The following LEMD1 variants were observed in gnomAD, a reference collection of about 807,000 sequenced individuals.
LEMD1 encodes the protein LEM domain containing 1.
In LEMD1, 18 loss-of-function variants were observed where a neutral mutation model predicts 17.4. The ratio of observed to expected loss-of-function variants is 1.04; its 90% confidence interval spans 0.72 to 1.54. The LOEUF is 1.54. Ranked by LOEUF, LEMD1 falls within the 40% of genes most tolerant of loss-of-function variation. LEMD1 has a pLI of 0.00. For synonymous variants in LEMD1, 88 were observed against 77.8 expected, an observed-to-expected ratio of 1.13 and a Z score of -0.69; for missense variants, 195 against 210.4, an observed-to-expected ratio of 0.93 and a Z score of 0.45.
chr1:205,400,422 A>G (rs1664786391), intron 4 of LEMD1, among the ~76,000 whole-genome samples: 1 of 152,244 alleles, frequency 6.6e-6, no homozygotes, highest in South Asian at 2.1e-4. Flanking sequence ...AGTGGGACAC[A>G]GTGACATTGT....
chr1:205,432,790 C>T (rs1666144628), intron 1 of LEMD1, among the ~76,000 whole-genome samples: 1 of 152,198 alleles, frequency 6.6e-6, no homozygotes, highest in Non-Finnish European at 1.5e-5. Context: ...AGGAGGATAG[C>T]TTCAGCTCAG....
chr1:205,419,062 A>T (rs1036671705), intron 3 of LEMD1, among the ~76,000 whole-genome samples, 168 bp downstream of exon 3: 1 of 152,270 alleles, frequency 6.6e-6, no homozygotes, highest in African/African-American at 2.4e-5. Context: ...TGAAGTTAAC[A>T]GATTCTTTTT....
rs375108008 is a variant in LEMD1 at position 205,441,405 on chromosome 1, C to T, written c.-39+8463G>A. On this transcript the variant is annotated intron_variant, in intron 1 of 3. Coordinates refer to the LEMD1 transcript ENST00000367154. This position sits in a 1 kb window ranked among gnomAD's most constrained non-coding sequence, Gnocchi z 4.3. The stretch of plus-strand genomic sequence containing the variant: ...TCACCATATACCTGTGGTTGGGGAA[C>T]AGGAAGCAAGCTGGCTTAAAATAGC... Among the ~76,000 whole-genome samples the T allele has an allele frequency of 1.6e-4, 24 of 152,262 alleles. 1 individual carries two copies. The East Asian group carries it at 4.1e-3, about 26-fold the overall frequency.
intron 1 of LEMD1, chr1:205,436,728 T>C (rs1666213900): frequency 1.3e-5 from 2 of 152,154 alleles, no homozygotes; most frequent in African/African-American, 4.8e-5. Flanking sequence ...CTGCTGGACA[T>C]AGCAGCCACC....
intron 4 of LEMD1, among the ~76,000 whole-genome samples, chr1:205,392,903 A>G (rs1288477013): frequency 6.6e-6 from 1 of 152,218 alleles, no homozygotes; most frequent in Non-Finnish European, 1.5e-5. Context: ...CCATGCCAAG[A>G]CACATCATAA....
At chr1:205,384,397 T>C (rs775348996) in intron 4 of LEMD1, 33 bp from the exon 5 acceptor site, 1 of 1,363,988 alleles carries the variant, frequency 7.3e-7, no homozygotes, top group South Asian at 1.5e-5. Context: ...CAAGAGGAAT[T>C]TGTTTCCAAT....
chr1:205,411,722 AG>A (rs1325612335), intron 4 of LEMD1, among the ~76,000 whole-genome samples: 1 of 152,130 alleles, frequency 6.6e-6, no homozygotes, highest in Non-Finnish European at 1.5e-5. Context: ...AGAAAGAGAA[AG>A]AAAGAAAAGA....
chr1:205,417,062 T>C, intron 3 of LEMD1, among the ~76,000 whole-genome samples: 1 of 152,136 alleles, frequency 6.6e-6, no homozygotes, highest in East Asian at 1.9e-4. Context: ...GATACCCCCG[T>C]CCAGTTCATT....
intron 1 of LEMD1, among the ~76,000 whole-genome samples, chr1:205,449,112 C>T (rs887226553): frequency 3.9e-5 from 6 of 152,120 alleles, no homozygotes; most frequent in Non-Finnish European, 7.4e-5. Flanking sequence ...CTGGAGCCAT[C>T]CCTGACAAGG....
rs1218298515 is a variant in LEMD1, at chr1:205,384,280, A to T, written c.347+8T>A. 6.8e-7 allele frequency: 1 copy of T among 1,470,008 alleles called. No homozygotes were observed. The highest frequency in any genetic ancestry group is 9.0e-7 in the Non-Finnish European group (1 of 1,105,502). 91.1% of individuals were successfully genotyped at this position (1,470,008 alleles called of 1,614,324 possible). A position where few individuals can be genotyped will look rare whatever the true frequency, so the allele number is the denominator to read the frequency against. ...TCAATTTCCACATATGCTAAAAAAC[A>T]TCATTACCTTCTTCCCTTGGAAGGC... On this transcript the variant is annotated splice_region_variant and intron_variant, in intron 5 of 5. Transcript: ENST00000367153.
intron 1 of LEMD1, among the ~76,000 whole-genome samples, chr1:205,438,752 G>C (rs191372882): frequency 6.6e-6 from 1 of 152,076 alleles, no homozygotes; most frequent in African/African-American, 2.4e-5. Flanking sequence ...TTTGACCTTG[G>C]GACCCCACCC....
chr1:205,443,443 G>T (rs1337444119), intron 1 of LEMD1, among the ~76,000 whole-genome samples: 2 of 152,132 alleles, frequency 1.3e-5, no homozygotes, highest in Non-Finnish European at 2.9e-5. Context: ...GCTTGTCACT[G>T]TAGGGAAGGA....
intron 1 of LEMD1, chr1:205,436,929 T>A (rs1400951353): frequency 6.6e-6 from 1 of 152,074 alleles, no homozygotes; most frequent in Non-Finnish European, 1.5e-5. Context: ...TCCTGTGAGG[T>A]AGGGAGGAAA....
intron 4 of LEMD1, among the ~76,000 whole-genome samples, chr1:205,410,895 AAAGG>A (rs561458862): frequency 1.1e-3 from 163 of 151,398 alleles, no homozygotes; most frequent in African/African-American, 1.8e-3. Flanking sequence ...AAAAGAAAGC[AAAGG>A]AAGGAAGGAA....
intron 5 of LEMD1, chr1:205,382,066 A>G: frequency 1.7e-6 from 1 of 571,794 alleles, no homozygotes; most frequent in Non-Finnish European, 3.1e-6. Flanking sequence ...CAGTGGTACA[A>G]TCACAGCTCA....
chr1:205,431,779 C>T (rs752181086), intron 1 of LEMD1, among the ~76,000 whole-genome samples: 1 of 151,964 alleles, frequency 6.6e-6, no homozygotes, highest in Admixed American at 6.6e-5. Context: ...TGCAGTGGTG[C>T]GATCTTGGCT....
intron 4 of LEMD1, among the ~76,000 whole-genome samples, chr1:205,392,975 G>T (rs890996832): frequency 1.2e-4 from 18 of 152,266 alleles, no homozygotes; most frequent in Non-Finnish European, 2.5e-4. Context: ...CGGGCATGGT[G>T]GTACATGCTA....
At chr1:205,425,667 C>G (rs896481073), upstream of LEMD1, among the ~76,000 whole-genome samples, 5 of 152,138 alleles carry the variant, frequency 3.3e-5, no homozygotes, top group African/African-American at 9.7e-5. Context: ...GAAGAGTAAA[C>G]AGAGCCTTTA....
intron 5 of LEMD1, among the ~76,000 whole-genome samples, chr1:205,383,758 C>T (rs1005391601): frequency 6.6e-6 from 1 of 151,518 alleles, no homozygotes; most frequent in Non-Finnish European, 1.5e-5. Flanking sequence ...CTCAGCCTCC[C>T]GAGTAGCTGG....
Sources: allele counts gnomAD v4.1 joint callset (sites outside exome capture counted in the v4.1 genomes callset), GRCh38; gene constraint gnomAD v4.1.1; non-coding constraint Gnocchi (gnomAD v3.1); transcripts MANE v1.5; gene names NCBI Gene and HGNC (gene_info 2026-07-23, HGNC 2026-07-21).